The following TACC3 variants were observed in gnomAD, a reference collection of about 807,000 sequenced individuals.
The protein encoded by TACC3 is transforming acidic coiled-coil containing protein 3.
In TACC3, 52 loss-of-function variants were observed where a neutral mutation model predicts 86.0. The ratio of observed to expected loss-of-function variants is 0.60; its 90% CI spans 0.48 to 0.76. The LOEUF (loss-of-function observed/expected upper bound fraction) is 0.76. Among genes scored for constraint, TACC3 ranks in the 30% least tolerant of loss-of-function variants. The probability of loss-of-function intolerance (pLI) is 0.00; values close to 1 mark genes in which losing one functional copy is unlikely to be tolerated. For synonymous variants in TACC3, 512 were observed against 430.0 expected, an observed-to-expected ratio of 1.19 and a Z score of -2.36; for missense variants, 1,120 against 1,070.4, an observed-to-expected ratio of 1.05 and a Z score of -0.65.
At position 1,745,019 on chromosome 4, in the gene TACC3, A is replaced by T; in HGVS notation, c.*6A>T. On this transcript the variant is annotated 3_prime_UTR_variant, in exon 16 of 16. Coordinates refer to ENST00000313288, the MANE Select transcript of TACC3 (RefSeq NM_006342.3). ...CCAAGATGGAGAAGATCTGACCTCC[A>T]CGGAGCCGCTGTCCCCGCCCCCCTG... The T allele has an allele frequency of 6.2e-7, 1 of 1,602,620 alleles. No homozygotes were observed. The highest frequency in any genetic ancestry group is 1.1e-5 in the South Asian group (1 of 89,040).
chr4:1,738,797 T>G (rs1718415206), intron 10 of TACC3, among the ~76,000 whole-genome samples: 1 of 151,980 alleles, frequency 6.6e-6, no homozygotes, highest in African/African-American at 2.4e-5. Flanking sequence ...GAGGGCAGGG[T>G]AAGAGTCAGA....
rs760728724 is a variant in TACC3, at chr4:1,740,927, T to A, written c.2164T>A (p.Phe722Ile). Reference sequence around the variant, plus strand: ...AGATCTGAACTCCATGGAGAAGTCCTTCTCCGACCTCTTCAAGCGTTTTGA... The same window carrying A: ...AGATCTGAACTCCATGGAGAAGTCCATCTCCGACCTCTTCAAGCGTTTTGA... ...TTDLNSMEKS[F>I]SDLFKRFEKQ... The change falls in exon 13 of 16, where the codon TTC (phenylalanine) becomes ATC (isoleucine). Residue 722 changes from phenylalanine (F) to isoleucine (I), a missense_variant. Physicochemically the swap from Phe to Ile is conservative, Grantham distance 21 (BLOSUM62 0). Coordinates refer to ENST00000313288, the MANE Select transcript of TACC3 (RefSeq NM_006342.3). 22 of 1,612,822 alleles carry A rather than the reference T, an allele frequency of 1.4e-5. No individual in the cohort carries two copies. The highest frequency in any genetic ancestry group is 8.5e-6 in the Non-Finnish European group (10 of 1,179,796).
At chr4:1,725,357 T>C (rs1717634835) in intron 3 of TACC3, among the ~76,000 whole-genome samples, 1 of 152,196 alleles carries the variant, frequency 6.6e-6, no homozygotes, top group Non-Finnish European at 1.5e-5. Flanking sequence ...TCCTACATCC[T>C]TCTCTGGGCC....
At chr4:1,722,451 G>A (rs2592826) in intron 1 of TACC3, among the ~76,000 whole-genome samples, 27,562 of 152,004 alleles carry the variant, frequency 0.18, 2,751 homozygotes, top group African/African-American at 0.2. Flanking sequence ...CTACTCCTTG[G>A]GCTCCAGAAG....
chr4:1,721,315 G>A (rs553390008), upstream of TACC3: 1 of 139,564 alleles, frequency 7.2e-6, no homozygotes, highest in African/African-American at 2.6e-5. Context: ...CGGGGTCTCA[G>A]CTTCAGACAC....
chr4:1,745,057 T>C lies in TACC3; in HGVS notation c.*44T>C, dbSNP rs1718785552. ...CCCCGCCCCCCTGCTCCCGTCTGTCTGTCCTGTCTGATTCTCTTAGGTGTC... is the reference window on the plus strand; with the variant it reads ...CCCCGCCCCCCTGCTCCCGTCTGTCCGTCCTGTCTGATTCTCTTAGGTGTC... On this transcript the variant is annotated 3_prime_UTR_variant, in exon 16 of 16. Coordinates refer to ENST00000313288, the MANE Select transcript of TACC3 (RefSeq NM_006342.3). 1 of 1,561,050 alleles carries C rather than the reference T, an allele frequency of 6.4e-7. No homozygotes were observed. Among genetic ancestry groups the C allele is most frequent in the Non-Finnish European group, 8.7e-7 (1 of 1,150,578 alleles).
chr4:1,739,718 A>G lies in TACC3; in HGVS notation c.1958A>G (p.Glu653Gly). The G allele has an allele frequency of 3.8e-6, 6 of 1,585,010 alleles. 1 individual carries two copies. In the South Asian group the frequency reaches 4.6e-5, roughly 12 times the overall value. Residue 653 changes from glutamate (E) to glycine (G), a missense_variant, in exon 11 of 16, where the codon GAG (glutamate) becomes GGG (glycine). Glu to Gly is a moderately conservative substitution (Grantham distance 98, BLOSUM62 -2). Coordinates refer to ENST00000313288, the MANE Select transcript of TACC3 (RefSeq NM_006342.3). Reference sequence around the variant, plus strand: ...CCTGAGCAGGTAAAGGCGACACAGGAGGAGAACCGGGAGCTGAGGAGCAGG... The same window carrying G: ...CCTGAGCAGGTAAAGGCGACACAGGGGGAGAACCGGGAGCTGAGGAGCAGG... ...DLDAVVKATQ[E>G]ENRELRSRCE...
At chr4:1,740,709 C>A (rs1718551249) in intron 12 of TACC3, 117 bp from the exon 13 acceptor site, 2 of 868,842 alleles carry the variant, frequency 2.3e-6, no homozygotes, top group Non-Finnish European at 3.6e-6. Flanking sequence ...AGGCTCACAC[C>A]CACTGCCCAC....
intron 6 of TACC3, 138 bp downstream of exon 6, chr4:1,731,439 T>C (rs1044225831): frequency 1.1e-5 from 11 of 963,134 alleles, no homozygotes; most frequent in East Asian, 2.6e-5. Flanking sequence ...GAATGACTCA[T>C]GCACAAACTT....
In TACC3 at chr4:1,735,438, G is replaced by A; in HGVS notation, c.1644+113G>A. The A allele has an allele frequency of 8.0e-7, 1 of 1,245,830 alleles. No individual in the cohort carries two copies. The highest frequency in any genetic ancestry group is 1.3e-5 in the South Asian group (1 of 79,960). 77.2% of individuals were successfully genotyped at this position (1,245,830 alleles called of 1,614,324 possible). On this transcript the variant is annotated intron_variant, in intron 7 of 15. Coordinates refer to ENST00000313288, the MANE Select transcript of TACC3 (RefSeq NM_006342.3). This position sits in a 1 kb window ranked among gnomAD's most constrained non-coding sequence, Gnocchi z 4.2. Reference sequence around the variant, plus strand: ...GCCCACGTCCCCCCAGCTGCACACAGGCCCAGGCATTGTGGCGGGCTGTGA... The same window carrying A: ...GCCCACGTCCCCCCAGCTGCACACAAGCCCAGGCATTGTGGCGGGCTGTGA...
At position 1,737,682 on chromosome 4, in the gene TACC3, C is replaced by G. The variant is rs992945720; in HGVS notation, c.1921C>G (p.Gln641Glu). Residue 641 changes from glutamine (Q) to glutamate (E), a missense_variant, in exon 10 of 16, where the codon CAG becomes GAG. By Grantham distance (29) the Gln-to-Glu change is conservative. Coordinates refer to ENST00000313288, the MANE Select transcript of TACC3 (RefSeq NM_006342.3). ...TATAGTGGACCTGCTCCAGTACAGC[C>G]AGAAGGACCTGGATGCAGTGGTAAG... ...GPIVDLLQYS[Q>E]KDLDAVVKAT... 7.1e-6 allele frequency: 11 copies of G among 1,550,978 alleles called. No homozygotes were observed. Among genetic ancestry groups the G allele is most frequent in the Admixed American group, 2.0e-5 (1 of 50,982 alleles).
intron 1 of TACC3, among the ~76,000 whole-genome samples, chr4:1,722,897 C>A (rs917289068): frequency 2.6e-5 from 4 of 152,150 alleles, no homozygotes; most frequent in African/African-American, 9.7e-5. Context: ...GGCCTTCACC[C>A]TCTCAGCCTG....
In TACC3 at chr4:1,737,204, G is replaced by A. The variant is rs774460445; in HGVS notation, c.1749-37G>A. 6 of 1,550,220 alleles carry A rather than the reference G, an allele frequency of 3.9e-6. No individual in the cohort carries two copies. In the African/African-American group the frequency reaches 4.1e-5, roughly 11 times the overall value. ...CTCTGTGTCCTACTCAACACTGGGA[G>A]GGCCTAGTGACTGAGGCTGCCTCTG... is the stretch of plus-strand genomic sequence containing the variant. On this transcript the variant is annotated intron_variant, in intron 8 of 15. Transcript: ENST00000313288.
In TACC3 at chr4:1,728,248, C is replaced by T. The variant is rs201512395; in HGVS notation, c.846C>T (p.Pro282=). Residue 282 remains proline (P), a synonymous_variant, in exon 4 of 16, where the codon CCC becomes CCT. Coordinates refer to ENST00000313288, the MANE Select transcript of TACC3 (RefSeq NM_006342.3). The part of the protein sequence containing the change: ...ALGCPAGVGT[P]VPADGTQTLT... ...GCTGCCCTGCGGGTGTGGGCACCCC[C>T]GTGCCAGCAGATGGCACTCAGACCC... 5.6e-5 allele frequency: 90 copies of T among 1,612,486 alleles called. 2 individuals are homozygous for T. In the South Asian group the frequency reaches 7.0e-4, roughly 13 times the overall value.
intron 3 of TACC3, among the ~76,000 whole-genome samples, chr4:1,726,654 G>A (rs1665366): frequency 0.76 from 116,365 of 152,176 alleles, 44,711 homozygotes; most frequent in East Asian, 0.86. Context: ...AAACACAGGC[G>A]GAAATAATGA....
chr4:1,734,675 C>T (rs1333275620), intron 6 of TACC3, among the ~76,000 whole-genome samples: 1 of 151,920 alleles, frequency 6.6e-6, no homozygotes, highest in Non-Finnish European at 1.5e-5. Flanking sequence ...TATGAGGCAC[C>T]TTTTCTTTTT....
chr4:1,728,170 T>G lies in TACC3; in HGVS notation c.768T>G (p.Pro256=), dbSNP rs780361756. ...AVATSPPGAI[P]KEACGGAPLQ... ...CCACTTCGCCTCCTGGTGCAATCCC[T>G]AAGGAAGCCTGCGGAGGAGCACCCC... The change falls in exon 4 of 16, where the codon CCT becomes CCG. Residue 256 remains proline, a synonymous_variant. Coordinates refer to ENST00000313288, the MANE Select transcript of TACC3 (RefSeq NM_006342.3). 166 of 1,611,492 alleles carry G rather than the reference T, an allele frequency of 1.0e-4. 1 individual carries two copies. Among genetic ancestry groups the G allele is most frequent in the Non-Finnish European group, 2.8e-5 (33 of 1,179,448 alleles).
At chr4:1,725,667 G>A (rs1195736990) in intron 3 of TACC3, among the ~76,000 whole-genome samples, 1 of 152,190 alleles carries the variant, frequency 6.6e-6, no homozygotes, top group Non-Finnish European at 1.5e-5. Flanking sequence ...GCTGGGAGGG[G>A]CTTGAGAGGT....
rs887906324 is a variant in TACC3, at chr4:1,736,635, G to A, written c.1749-606G>A. On this transcript the variant is annotated intron_variant, in intron 8 of 15. Transcript: ENST00000313288. Reference sequence around the variant, plus strand: ...TTCAAATCCTAACACATGGCCGGGCGCAGTGGCTCACACCTGGAATCCCAG... The same window carrying A: ...TTCAAATCCTAACACATGGCCGGGCACAGTGGCTCACACCTGGAATCCCAG... 3.3e-5 allele frequency among the ~76,000 whole-genome samples: 5 copies of A among 152,052 alleles called. No homozygotes were observed. In the South Asian group the frequency reaches 6.2e-4, roughly 19 times the overall value.
Sources: gnomAD v4.1 joint callset for allele counts (sites outside exome capture counted in the v4.1 genomes callset) on GRCh38, gnomAD v4.1.1 for gene constraint, Gnocchi (gnomAD v3.1) non-coding constraint, MANE v1.5 for transcripts, NCBI Gene and HGNC (gene_info 2026-07-23, HGNC 2026-07-21) for gene names.